The following USP9X variants were observed in gnomAD, a reference collection of about 807,000 sequenced individuals.
USP9X encodes the protein ubiquitin carboxyl-terminal hydrolase 9X.
A neutral mutation model predicts 190.3 loss-of-function variants in USP9X; 7 were observed. The ratio of observed to expected loss-of-function variants is 0.04; its 90% CI spans 0.02 to 0.07. The LOEUF is 0.07. Among genes scored for constraint, USP9X ranks in the 10% least tolerant of loss-of-function variants. USP9X has a pLI of 1.00. For missense variants in USP9X, 1,010 were observed against 1,916.9 expected, an observed-to-expected ratio of 0.53 and a Z score of 8.83; for synonymous variants, 645 against 659.5, an observed-to-expected ratio of 0.98 and a Z score of 0.34.
intron 1 of USP9X, among the ~76,000 whole-genome samples, chrX:41,117,808 C>G (rs981925662): frequency 1.8e-5 from 2 of 109,360 alleles, no homozygotes; most frequent in African/African-American, 6.7e-5. Context: ...ATCCGCACAC[C>G]TTGGCCTCCA....
intron 11 of USP9X, among the ~76,000 whole-genome samples, chrX:41,144,979 G>T (rs150903503): frequency 9.0e-6 from 1 of 111,477 alleles, no homozygotes; most frequent in Admixed American, 9.5e-5. Flanking sequence ...GGGGTCATAT[G>T]TACAAGCAAA....
At chrX:41,175,784 CAT>C (rs1325158136) in intron 21 of USP9X, among the ~76,000 whole-genome samples, 4 of 110,974 alleles carry the variant, frequency 3.6e-5, no homozygotes, top group Non-Finnish European at 7.5e-5. Flanking sequence ...CACACACACA[CAT>C]GAATATATAT....
intron 6 of USP9X, among the ~76,000 whole-genome samples, 159 bp from the exon 7 acceptor site, chrX:41,140,497 A>T (rs2062413421): frequency 8.9e-6 from 1 of 112,097 alleles, no homozygotes; most frequent in Admixed American, 9.5e-5. Flanking sequence ...TGTCTCACAG[A>T]TGGAATTACT....
chrX:41,184,382 T>G lies in USP9X; in HGVS notation c.3280-15T>G, dbSNP rs746175538. ...TTTTAATACAGCCCTCTCCCCCTCT[T>G]CTCTATTTTTCCAGGTAGTCTATGC... On this transcript the variant is annotated splice_polypyrimidine_tract_variant and intron_variant, in intron 22 of 44. Coordinates refer to ENST00000378308, the MANE Select transcript of USP9X (RefSeq NM_001039591.3). 14 of 1,201,417 alleles carry G rather than the reference T, an allele frequency of 1.2e-5. No individual in the cohort carries two copies. The Admixed American group carries it at 1.3e-4, about 11-fold the overall frequency.
rs5918130 is a variant in USP9X at position 41,184,691 on chromosome X, T to C, written c.3558+16T>C. 421,233 of 1,181,335 alleles carry C rather than the reference T, an allele frequency of 0.36. 55,017 individuals carry two copies. Among genetic ancestry groups the C allele is most frequent in the Non-Finnish European group, 0.4 (347,661 of 877,652 alleles). On this transcript the variant is annotated intron_variant, in intron 23 of 44. Coordinates refer to ENST00000378308, the MANE Select transcript of USP9X (RefSeq NM_001039591.3). ...CATGACACAGGTAATACAGACTTTTTAAAAATCCTTTTATAATAGTAGATA... is the reference window on the plus strand; with the variant it reads ...CATGACACAGGTAATACAGACTTTTCAAAAATCCTTTTATAATAGTAGATA...
intron 2 of USP9X, among the ~76,000 whole-genome samples, chrX:41,125,763 C>G (rs2062243951): frequency 9.4e-6 from 1 of 106,688 alleles, no homozygotes; most frequent in African/African-American, 3.5e-5. Flanking sequence ...CTTTTGCTTA[C>G]TTTGGATTTG....
At chrX:41,232,338 T>C in intron 44 of USP9X, 49 bp from the exon 45 acceptor site, 3 of 1,171,548 alleles carry the variant, frequency 2.6e-6, no homozygotes, top group Non-Finnish European at 3.4e-6. Context: ...TTTGAAGTTG[T>C]TTTACTATGT....
intron 1 of USP9X, among the ~76,000 whole-genome samples, chrX:41,110,038 T>A (rs781547810): frequency 3.6e-5 from 4 of 111,245 alleles, no homozygotes; most frequent in African/African-American, 9.8e-5. Flanking sequence ...TTTAACACAC[T>A]CTGTCAGAGG....
intron 2 of USP9X, among the ~76,000 whole-genome samples, chrX:41,125,684 A>ACACACACACACACACACACTCTCTCT: frequency 1.1e-4 from 2 of 19,019 alleles, no homozygotes; most frequent in East Asian, 1.9e-3. Context: ...ACACACACAC[A>ACACACACACACACACACACTCTCTCT]CTCTCTCTCT....
chrX:41,210,846 T>TG (rs1344659796), intron 33 of USP9X, among the ~76,000 whole-genome samples, 164 bp downstream of exon 33: 1 of 111,541 alleles, frequency 9.0e-6, no homozygotes, highest in Non-Finnish European at 1.9e-5. Context: ...GCTGTGGGGC[T>TG]TTTTTTTGTT....
intron 32 of USP9X, among the ~76,000 whole-genome samples, chrX:41,208,899 A>G (rs909073516): frequency 1.8e-5 from 2 of 110,098 alleles, no homozygotes; most frequent in Non-Finnish European, 3.8e-5. Context: ...TAGTAGAGAC[A>G]GAGTTTCATT....
rs2063399240 is a variant in USP9X, at chrX:41,236,544, TAGC to T, written c.*4022_*4024del. 1 of 112,649 alleles carries T rather than the reference TAGC, an allele frequency of 8.9e-6. No individual in the cohort carries two copies. The highest frequency in any genetic ancestry group is 3.6e-4 in the South Asian group (1 of 2,774). The allele number at this position is 112,649 out of a possible 1,213,427, so 9.3% of individuals were successfully genotyped here. A position where few individuals can be genotyped will look rare whatever the true frequency, so the allele number is the denominator to read the frequency against. ...AAGATTGTTCACAGTTCCTAAGATT[TAGC>T]ACATATACAAAAATAAAACTTTATA... On this transcript the variant is annotated 3_prime_UTR_variant, in exon 45 of 45. Transcript: ENST00000378308.
chrX:41,166,016 C>T lies in USP9X; in HGVS notation c.2130C>T (p.Asp710=). The T allele has an allele frequency of 8.3e-7, 1 of 1,211,486 alleles. No individual in the cohort carries two copies. Among genetic ancestry groups the T allele is most frequent in the South Asian group, 1.8e-5 (1 of 56,946 alleles). Residue 710 remains aspartate, a synonymous_variant, in exon 16 of 45, where the codon GAC becomes GAT. Transcript: ENST00000378308. The part of the protein sequence containing the change: ...WYSKLMGDEP[D]LDPDINKDFF... ...CCAAGTTGATGGGGGATGAACCAGA[C>T]TTAGATCCTGATATTAATAAGGACT...
rs1042397351 is a variant in USP9X at position 41,235,394 on chromosome X, T to C, written c.*2870T>C. ...GTCTTCAAAGTGCCTAAGGATTATTTAGTTCTCCCTCAACTGATTTTTTGA... is the reference window on the plus strand; with the variant it reads ...GTCTTCAAAGTGCCTAAGGATTATTCAGTTCTCCCTCAACTGATTTTTTGA... On this transcript the variant is annotated 3_prime_UTR_variant, in exon 45 of 45. Coordinates refer to ENST00000378308, the MANE Select transcript of USP9X (RefSeq NM_001039591.3). The C allele has an allele frequency of 8.0e-5, 9 of 113,016 alleles. No individual in the cohort carries two copies. The highest frequency in any genetic ancestry group is 2.9e-4 in the African/African-American group (9 of 31,097). 9.3% of individuals were successfully genotyped at this position (113,016 alleles called of 1,213,427 possible). A position where few individuals can be genotyped will look rare whatever the true frequency, so the allele number is the denominator to read the frequency against.
intron 1 of USP9X, among the ~76,000 whole-genome samples, chrX:41,105,965 T>C (rs1008261484): frequency 1.9e-4 from 21 of 112,140 alleles, no homozygotes; most frequent in African/African-American, 6.2e-4. Context: ...CATTTTTCAA[T>C]TGAGTTGTCT....
At chrX:41,137,651 G>A (rs1460201693) in intron 6 of USP9X, among the ~76,000 whole-genome samples, 1 of 110,013 alleles carries the variant, frequency 9.1e-6, no homozygotes, top group Non-Finnish European at 1.9e-5. Flanking sequence ...TTTCTATCCA[G>A]CCAGAAAGAT....
intron 21 of USP9X, among the ~76,000 whole-genome samples, chrX:41,177,394 G>A (rs895808563): frequency 4.5e-5 from 5 of 111,946 alleles, no homozygotes; most frequent in African/African-American, 1.6e-4. Context: ...TGTCAGTTGC[G>A]CTGAATATCT....
At chrX:41,140,341 C>T (rs956301358) in intron 6 of USP9X, among the ~76,000 whole-genome samples, 6 of 111,802 alleles carry the variant, frequency 5.4e-5, no homozygotes, top group Non-Finnish European at 9.4e-5. Flanking sequence ...AAAGACTTTA[C>T]AGTAATTAGA....
chrX:41,228,616 A>C, intron 41 of USP9X, among the ~76,000 whole-genome samples: 1 of 62,521 alleles, frequency 1.6e-5, no homozygotes, highest in South Asian at 8.2e-4. Flanking sequence ...AGCAGTCATA[A>C]ACTTAGTTAT....
Sources: gnomAD v4.1 joint callset for allele counts (sites outside exome capture counted in the v4.1 genomes callset) on GRCh38, gnomAD v4.1.1 for gene constraint, MANE v1.5 for transcripts, NCBI Gene and HGNC (gene_info 2026-07-23, HGNC 2026-07-21) for gene names.